Variants in INPP4A observed in about 807,000 individuals in gnomAD.
The protein encoded by INPP4A is inositol polyphosphate-4-phosphatase type I A.
INPP4A carries 33 observed loss-of-function variants against 119.8 expected under a neutral mutation model. The observed-to-expected ratio is 0.28, with a 90% CI of 0.21 to 0.37. INPP4A has a LOEUF of 0.37. INPP4A is among the 10% of genes least tolerant of loss of function. INPP4A has a pLI of 1.00. For synonymous variants in INPP4A, 496 were observed against 500.7 expected (o/e 0.99, Z 0.12); for missense variants, 956 against 1,289.9 (o/e 0.74, Z 3.97).
At chr2:98,531,378 G>GA (rs200631042) in intron 4 of INPP4A, among the ~76,000 whole-genome samples, 13 of 150,676 alleles carry the variant, frequency 8.6e-5, no homozygotes, top group East Asian at 3.9e-4. Context: ...AAAAATAATG[G>GA]AAAAAAAAAT....
chr2:98,550,705 G>T (rs982370380), intron 13 of INPP4A, among the ~76,000 whole-genome samples: 1 of 152,162 alleles, frequency 6.6e-6, no homozygotes, highest in East Asian at 1.9e-4. Context: ...ATCCTAAACA[G>T]CACCTCTTTG....
chr2:98,580,032 T>A (rs1412394452), intron 24 of INPP4A, among the ~76,000 whole-genome samples: 1 of 152,198 alleles, frequency 6.6e-6, no homozygotes, highest in East Asian at 1.9e-4. Flanking sequence ...TACGATCCCA[T>A]GAGGGGAAGA....
intron 16 of INPP4A, among the ~76,000 whole-genome samples, chr2:98,558,270 T>C (rs1179913580): frequency 6.6e-6 from 1 of 152,146 alleles, no homozygotes; most frequent in Non-Finnish European, 1.5e-5. Flanking sequence ...TCCTAGACCT[T>C]CCTCCTCATT....
intron 4 of INPP4A, among the ~76,000 whole-genome samples, chr2:98,529,917 A>G (rs1688892295): frequency 6.6e-6 from 1 of 152,214 alleles, no homozygotes; most frequent in Non-Finnish European, 1.5e-5. Context: ...GTACAAAATA[A>G]CAAGAAAGAG....
intron 1 of INPP4A, among the ~76,000 whole-genome samples, chr2:98,457,199 C>G (rs2104558226): frequency 6.6e-6 from 1 of 152,316 alleles, no homozygotes; most frequent in South Asian, 2.1e-4. Flanking sequence ...GCCTCAGCCC[C>G]TCTGGAGCAA....
At chr2:98,501,091 C>T (rs1025137709) in intron 1 of INPP4A, among the ~76,000 whole-genome samples, 4 of 152,146 alleles carry the variant, frequency 2.6e-5, no homozygotes, top group East Asian at 3.8e-4. Flanking sequence ...CCGGGGCAGG[C>T]GGATCACTTG....
intron 10 of INPP4A, among the ~76,000 whole-genome samples, chr2:98,542,102 C>T (rs1032333972): frequency 4.6e-5 from 7 of 152,144 alleles, no homozygotes; most frequent in Non-Finnish European, 7.4e-5. Flanking sequence ...AGAGGGTGAT[C>T]GGGGCAGGCC....
In INPP4A at chr2:98,543,412, A is replaced by G. The variant is rs143656436; in HGVS notation, c.819-465A>G. ...AGAAGCGCTGTCCTGATAGCCTCCT[A>G]GGGGAGATGACGAGGCAAGCAGGAG... is the stretch of plus-strand genomic sequence containing the variant. On this transcript the variant is annotated intron_variant, in intron 10 of 24. Transcript: ENST00000409851. 8.3e-3 allele frequency among the ~76,000 whole-genome samples: 1,261 copies of G among 152,254 alleles called. 20 individuals are homozygous for G. The highest frequency in any genetic ancestry group is 0.029 in the African/African-American group (1,215 of 41,546).
At chr2:98,579,057 CTT>C in intron 24 of INPP4A, among the ~76,000 whole-genome samples, 1 of 142,750 alleles carries the variant, frequency 7.0e-6, no homozygotes. Flanking sequence ...CTTTTTTTTT[CTT>C]TTTTTTTTTT....
chr2:98,480,846 G>A (rs1022235854), intron 1 of INPP4A, among the ~76,000 whole-genome samples: 1 of 152,178 alleles, frequency 6.6e-6, no homozygotes, highest in Non-Finnish European at 1.5e-5. Flanking sequence ...GTCCGTCTCC[G>A]CAGCCAAACT....
chr2:98,464,578 G>C (rs1464202924), intron 1 of INPP4A, among the ~76,000 whole-genome samples: 1 of 152,212 alleles, frequency 6.6e-6, no homozygotes, highest in Non-Finnish European at 1.5e-5. Flanking sequence ...CCTGACAGGG[G>C]CAGAGTTCTC....
chr2:98,458,217 A>T (rs12622341), intron 1 of INPP4A, among the ~76,000 whole-genome samples: 35,083 of 151,926 alleles, frequency 0.23, 4,330 homozygotes, highest in Middle Eastern at 0.32. Flanking sequence ...GTGCACACAC[A>T]TCTGTAGTCC....
At chr2:98,465,622 G>T (rs1674581566) in intron 1 of INPP4A, among the ~76,000 whole-genome samples, 1 of 152,184 alleles carries the variant, frequency 6.6e-6, no homozygotes, top group Admixed American at 6.5e-5. Flanking sequence ...GGAAGCTGAG[G>T]CTTGGGGAGG....
intron 17 of INPP4A, among the ~76,000 whole-genome samples, chr2:98,561,466 CCTT>C (rs1695459829): frequency 6.6e-6 from 1 of 152,204 alleles, no homozygotes; most frequent in African/African-American, 2.4e-5. Flanking sequence ...ATGTCTGAGT[CCTT>C]CTCTGGGCAG....
intron 9 of INPP4A, among the ~76,000 whole-genome samples, 164 bp downstream of exon 9, chr2:98,539,145 A>G (rs1690904676): frequency 6.6e-6 from 1 of 152,206 alleles, no homozygotes; most frequent in Non-Finnish European, 1.5e-5. Context: ...ATAAAGAGTT[A>G]TCACAAAAAA....
intron 1 of INPP4A, among the ~76,000 whole-genome samples, chr2:98,489,846 A>G (rs1680331977): frequency 6.8e-6 from 1 of 147,354 alleles, no homozygotes; most frequent in Admixed American, 6.7e-5. Context: ...GGAATTACAC[A>G]TAGGGTTTAT....
chr2:98,522,151 A>G (rs1687319782), intron 4 of INPP4A, among the ~76,000 whole-genome samples: 1 of 151,700 alleles, frequency 6.6e-6, no homozygotes, highest in African/African-American at 2.4e-5. Flanking sequence ...GCCAGGCATG[A>G]TGGTGCGTGC....
chr2:98,448,859 C>T (rs113118560), intron 1 of INPP4A, among the ~76,000 whole-genome samples: 1,578 of 152,118 alleles, frequency 0.01, 44 homozygotes, highest in African/African-American at 0.036. Context: ...TGTGCCATTG[C>T]ACCTGGCCAA....
intron 1 of INPP4A, among the ~76,000 whole-genome samples, chr2:98,471,243 C>T (rs1305417700): frequency 6.6e-6 from 1 of 152,184 alleles, no homozygotes; most frequent in African/African-American, 2.4e-5. Flanking sequence ...ATGTCCTGAC[C>T]TGAGTCCTGT....
Sources: allele counts gnomAD v4.1 joint callset (sites outside exome capture counted in the v4.1 genomes callset), GRCh38; gene constraint gnomAD v4.1.1; transcripts MANE v1.5; gene names NCBI Gene and HGNC (gene_info 2026-07-23, HGNC 2026-07-21).